CUX1: variants seen among roughly 807,000 people sequenced by gnomAD.
The protein encoded by CUX1 is cut like homeobox 1.
A neutral mutation model predicts 158.8 loss-of-function variants in CUX1; 31 were observed. That is an observed-to-expected ratio of 0.20 (90% confidence interval 0.15 to 0.26). CUX1 has a LOEUF of 0.26. CUX1 is among the 10% of genes least tolerant of loss of function. The pLI is 1.00. For missense variants in CUX1, 1,589 were observed against 2,014.6 expected (o/e 0.79, Z 4.04); for synonymous variants, 879 against 862.1 (o/e 1.02, Z -0.34).
intron 13 of CUX1, chr7:102,194,226 T>G: frequency 3.4e-6 from 1 of 296,138 alleles, no homozygotes; most frequent in East Asian, 6.2e-5. Context: ...AGCTAGTGTT[T>G]TCCAAACTGG....
intron 2 of CUX1, among the ~76,000 whole-genome samples, chr7:101,941,054 G>A (rs565357491): frequency 2.6e-5 from 4 of 152,288 alleles, no homozygotes; most frequent in South Asian, 4.2e-4. Context: ...GCAGGGAGCC[G>A]GGCTTCCTTG....
At chr7:102,037,373 A>G (rs1380272217) in intron 3 of CUX1, among the ~76,000 whole-genome samples, 2 of 126,800 alleles carry the variant, frequency 1.6e-5, no homozygotes, top group Non-Finnish European at 3.3e-5. Context: ...TTTTTTTGAG[A>G]CGGAGTTTTG....
chr7:101,985,287 G>A (rs1250018146), intron 2 of CUX1, among the ~76,000 whole-genome samples: 1 of 152,160 alleles, frequency 6.6e-6, no homozygotes, highest in African/African-American at 2.4e-5. Flanking sequence ...GGGTCGTGCG[G>A]GGAGATCAGC....
In CUX1 at chr7:102,251,313, A is replaced by T. The variant is rs1458364986; in HGVS notation, c.*2271A>T. ...CTGTTCCACCTCCGTGTGCTTGTTA[A>T]TTAACTTGTAGGACTTTGACTGTAA... On this transcript the variant is annotated 3_prime_UTR_variant, in exon 24 of 24. Coordinates refer to ENST00000292535, the MANE Select transcript of CUX1 (RefSeq NM_181552.4). The T allele has an allele frequency of 1.0e-6, 1 of 985,058 alleles. No homozygotes were observed. Among genetic ancestry groups the T allele is most frequent in the East Asian group, 1.1e-4 (1 of 8,816 alleles). 61.0% of individuals were successfully genotyped at this position (985,058 alleles called of 1,614,324 possible).
chr7:101,856,531 C>T (rs1047167822), intron 1 of CUX1, among the ~76,000 whole-genome samples: 1 of 152,174 alleles, frequency 6.6e-6, no homozygotes, highest in Non-Finnish European at 1.5e-5. Flanking sequence ...AACCCTTCAG[C>T]GTGTCATGCG....
intron 5 of CUX1, among the ~76,000 whole-genome samples, chr7:102,103,425 C>T (rs1300820842): frequency 3.7e-5 from 4 of 109,442 alleles, no homozygotes; most frequent in Non-Finnish European, 8.1e-5. Flanking sequence ...GTTTCTCTCT[C>T]TCTCTCTCTC....
rs537424080 is a variant in CUX1, at chr7:102,127,779, G to C, written c.674+12506G>C. Among the ~76,000 whole-genome samples the C allele has an allele frequency of 9.2e-5, 14 of 152,224 alleles. No homozygotes were observed. In the South Asian group the frequency reaches 2.7e-3, roughly 29 times the overall value. ...GTTTAATCTGGGGAGCTTTGTCCCT[G>C]TTCTTTCTATGCCTTCATGTTCTGC... On this transcript the variant is annotated intron_variant, in intron 8 of 23. Coordinates refer to ENST00000292535, the MANE Select transcript of CUX1 (RefSeq NM_181552.4).
At chr7:101,976,240 ACT>A (rs1262615656) in intron 2 of CUX1, among the ~76,000 whole-genome samples, 1 of 152,104 alleles carries the variant, frequency 6.6e-6, no homozygotes, top group Non-Finnish European at 1.5e-5. Context: ...ATATTTCTGT[ACT>A]CTCTTATAGT....
At chr7:101,855,662 G>A (rs185381859) in intron 1 of CUX1, among the ~76,000 whole-genome samples, 3 of 149,706 alleles carry the variant, frequency 2.0e-5, no homozygotes, top group Non-Finnish European at 3.0e-5. Context: ...GGTGGATCAC[G>A]AGGTCAGGAA....
intron 15 of CUX1, chr7:102,274,154 C>T: frequency 7.5e-7 from 1 of 1,325,208 alleles, no homozygotes; most frequent in African/African-American, 1.4e-5. Context: ...TTGCCACACC[C>T]ACCCTGCCAT....
At chr7:101,816,110 C>T, upstream of CUX1, 1 of 1,337,630 alleles carries the variant, frequency 7.5e-7, no homozygotes, top group Non-Finnish European at 9.9e-7. Context: ...CTCCTCCGCG[C>T]TCGGCCTCGC....
At chr7:102,216,564 ACTCCCACACACACACT>A (rs1388467769) in intron 20 of CUX1, among the ~76,000 whole-genome samples, 1 of 71,570 alleles carries the variant, frequency 1.4e-5, no homozygotes, top group Non-Finnish European at 2.7e-5. Context: ...ACGCACACAC[ACTCCCACACACACACT>A]CTCCCACACA....
intron 2 of CUX1, among the ~76,000 whole-genome samples, chr7:101,980,605 T>C (rs190356888): frequency 4.1e-4 from 63 of 152,300 alleles, no homozygotes; most frequent in Non-Finnish European, 8.5e-4. Flanking sequence ...AGGTGGCAGA[T>C]TGGTTCTCAC....
Position 102,254,756 on chromosome 7 carries a change from A to C in CUX1, c.*5714A>C. On this transcript the variant is annotated 3_prime_UTR_variant, in exon 24 of 24. Transcript: ENST00000292535. The stretch of plus-strand genomic sequence containing the variant: ...GGCAGGGCTTGTGCCCTGAGTGGCG[A>C]GGTGGTGACCTGAGGCCAGTGTGAT... The C allele has an allele frequency of 1.0e-6, 1 of 985,456 alleles. No homozygotes were observed. The highest frequency in any genetic ancestry group is 1.2e-6 in the Non-Finnish European group (1 of 829,966). 61.0% of individuals were successfully genotyped at this position (985,456 alleles called of 1,614,324 possible).
At chr7:101,906,004 T>G (rs1157284131) in intron 1 of CUX1, among the ~76,000 whole-genome samples, 2 of 151,814 alleles carry the variant, frequency 1.3e-5, no homozygotes, top group Admixed American at 6.6e-5. Context: ...TTTTTTTTTT[T>G]CTGGAGAGAC....
intron 8 of CUX1, among the ~76,000 whole-genome samples, chr7:102,149,676 G>A (rs1220269872): frequency 1.3e-5 from 2 of 152,158 alleles, no homozygotes; most frequent in Non-Finnish European, 2.9e-5. Context: ...GCCCTGGCTC[G>A]CATGAGACTG....
At chr7:101,956,138 CAAAAA>C (rs11462111) in intron 2 of CUX1, among the ~76,000 whole-genome samples, 4 of 64,980 alleles carry the variant, frequency 6.2e-5, no homozygotes, top group Admixed American at 2.1e-4. Flanking sequence ...GCCCACGTCT[CAAAAA>C]AAAAAAAAAA....
chr7:101,930,303 C>T (rs1298485221), intron 2 of CUX1, among the ~76,000 whole-genome samples: 2 of 152,172 alleles, frequency 1.3e-5, no homozygotes, highest in South Asian at 2.1e-4. Context: ...AGGAACATAT[C>T]GTTATAGCCT....
At chr7:101,846,819 G>T (rs1043870115) in intron 1 of CUX1, among the ~76,000 whole-genome samples, 7 of 152,044 alleles carry the variant, frequency 4.6e-5, no homozygotes, top group African/African-American at 1.4e-4. Flanking sequence ...AGGCTGTGTT[G>T]GTCTGGTATG....
Sources: gnomAD v4.1 joint callset for allele counts (sites outside exome capture counted in the v4.1 genomes callset) on GRCh38, gnomAD v4.1.1 for gene constraint, MANE v1.5 for transcripts, NCBI Gene and HGNC (gene_info 2026-07-23, HGNC 2026-07-21) for gene names.